Variants in AP1B1 observed in about 807,000 individuals in gnomAD.
AP1B1 encodes the protein AP-1 complex subunit beta-1.
Under a neutral mutation model 104.3 loss-of-function variants are expected in AP1B1, and 36 were observed. That is an observed-to-expected ratio of 0.35 (90% CI 0.26 to 0.46). The LOEUF (loss-of-function observed/expected upper bound fraction) is 0.46. Among genes scored for constraint, AP1B1 ranks in the 20% least tolerant of loss-of-function variants. The probability of loss-of-function intolerance (pLI) is 1.00; values close to 1 mark genes in which losing one functional copy is unlikely to be tolerated. For missense variants in AP1B1, 901 were observed against 1,247.9 expected, an observed-to-expected ratio of 0.72 and a Z score of 4.19; for synonymous variants, 504 against 517.5, an observed-to-expected ratio of 0.97 and a Z score of 0.35.
intron 1 of AP1B1, among the ~76,000 whole-genome samples, chr22:29,383,659 A>T (rs1424789133): frequency 6.9e-6 from 1 of 144,616 alleles, no homozygotes; most frequent in Admixed American, 7.1e-5. Flanking sequence ...CAGTGAGCCG[A>T]GATCACGCCA....
chr22:29,354,975 C>G, intron 6 of AP1B1, 104 bp from the exon 7 acceptor site: 1 of 1,025,692 alleles, frequency 9.7e-7, no homozygotes, highest in Non-Finnish European at 1.4e-6. Flanking sequence ...ATAGTTCACG[C>G]CTGTAATCCC....
Position 29,330,498 on chromosome 22 carries a change from G to C in AP1B1, c.2646C>G (p.Ile882Met). The change falls in exon 21 of 23, where the codon ATC becomes ATG. Residue 882 changes from isoleucine (I) to methionine (M), a missense_variant. Physicochemically the swap from Ile to Met is conservative, Grantham distance 10. Transcript: ENST00000357586. ...AASSKLQSSN[I>M]FTVAKRNVEG... ...CCACGTTCCTCTTGGCGACAGTGAAGATGTTGCTGCTCTGCAGCTTGCTGC... is the reference window on the plus strand; with the variant it reads ...CCACGTTCCTCTTGGCGACAGTGAACATGTTGCTGCTCTGCAGCTTGCTGC... 6.2e-7 allele frequency: 1 copy of C among 1,612,852 alleles called. No individual in the cohort carries two copies. Among genetic ancestry groups the C allele is most frequent in the Non-Finnish European group, 8.5e-7 (1 of 1,178,992 alleles).
In AP1B1 at chr22:29,359,974, T is replaced by C. The variant is rs375299154; in HGVS notation, c.144-15A>G. 17 of 1,610,454 alleles carry C rather than the reference T, an allele frequency of 1.1e-5. No individual in the cohort carries two copies. Among genetic ancestry groups the C allele is most frequent in the African/African-American group, 1.3e-5 (1 of 74,826 alleles). ...GGAAGAGGGCACTGGAAGGTCAAAATGGTGTCAGCATGGGAAAGGCTGAAC... is the reference window on the plus strand; with the variant it reads ...GGAAGAGGGCACTGGAAGGTCAAAACGGTGTCAGCATGGGAAAGGCTGAAC... On this transcript the variant is annotated splice_polypyrimidine_tract_variant and intron_variant, in intron 3 of 22. Transcript: ENST00000357586.
rs753581617 is a variant in AP1B1, at chr22:29,358,960, G to A, written c.291C>T (p.Asp97=). The A allele has an allele frequency of 1.9e-6, 3 of 1,609,088 alleles. No homozygotes were observed. In the East Asian group the frequency reaches 6.7e-5, roughly 36 times the overall value. ...CCAGGGCTCGGATGAGGGGGTTGGGGTCCTCACAGTCCTGGGGGGAACCAG... is the reference window on the plus strand; with the variant it reads ...CCAGGGCTCGGATGAGGGGGTTGGGATCCTCACAGTCCTGGGGGGAACCAG... ...AVNTFVKDCE[D]PNPLIRALAV... The change falls in exon 5 of 23, where the codon GAC becomes GAT. Residue 97 remains aspartate (D), a synonymous_variant. Transcript: ENST00000357586.
chr22:29,364,883 A>G (rs1340257802), intron 2 of AP1B1, among the ~76,000 whole-genome samples: 4 of 151,474 alleles, frequency 2.6e-5, no homozygotes, highest in Non-Finnish European at 5.9e-5. Flanking sequence ...TAATTTTTGT[A>G]TTTTTAGTAG....
At chr22:29,387,844 G>A (rs2062554435) in intron 1 of AP1B1, among the ~76,000 whole-genome samples, 1 of 152,210 alleles carries the variant, frequency 6.6e-6, no homozygotes, top group African/African-American at 2.4e-5. Context: ...AAAGTGCTTA[G>A]CACAGTGCCC....
At chr22:29,357,849 G>A (rs1482341311) in intron 5 of AP1B1, among the ~76,000 whole-genome samples, 2 of 151,254 alleles carry the variant, frequency 1.3e-5, no homozygotes, top group East Asian at 3.9e-4. Flanking sequence ...CACCACACCC[G>A]GCTAATTTTT....
rs2061716857 is a variant in AP1B1 at position 29,341,633 on chromosome 22, A to G, written c.1664T>C (p.Ile555Thr). ...KPLISEETDLIEPTLLDELIC... is the reference protein window; with the variant it reads ...KPLISEETDLTEPTLLDELIC... ...AAGCTCGTCTAACAGTGTGGGCTCG[A>G]TGAGGTCCGTCTCTTCAGAGATGAG... The change falls in exon 13 of 23, where the codon ATC becomes ACC. Residue 555 changes from isoleucine to threonine, a missense_variant. Ile to Thr is a moderately conservative substitution (Grantham distance 89). Around this residue, in one of 3 missense-constraint regions of AP1B1, gnomAD observed 471 missense variants for 696.7 expected, o/e 0.68. Coordinates refer to ENST00000357586, the MANE Select transcript of AP1B1 (RefSeq NM_001127.4). 1 of 1,614,062 alleles carries G rather than the reference A, an allele frequency of 6.2e-7. No homozygotes were observed.
chr22:29,350,532 T>G (rs2061858184), intron 9 of AP1B1, among the ~76,000 whole-genome samples: 1 of 152,188 alleles, frequency 6.6e-6, no homozygotes, highest in African/African-American at 2.4e-5. Context: ...CTCTGACTGC[T>G]TCTGCCTTTA....
chr22:29,359,638 C>T (rs2062012594), intron 4 of AP1B1, 186 bp downstream of exon 4: 1 of 680,134 alleles, frequency 1.5e-6, no homozygotes, highest in Admixed American at 2.9e-5. Flanking sequence ...ACGCAGGGTC[C>T]TTAGCATCTG....
chr22:29,337,165 G>C (rs1389573569), intron 16 of AP1B1, among the ~76,000 whole-genome samples: 4 of 152,282 alleles, frequency 2.6e-5, no homozygotes, highest in Non-Finnish European at 2.9e-5. Context: ...CATCATATAG[G>C]GGTCTGGAGC....
chr22:29,342,910 T>C (rs1457591909), intron 11 of AP1B1, among the ~76,000 whole-genome samples: 3 of 152,148 alleles, frequency 2.0e-5, no homozygotes, highest in Non-Finnish European at 4.4e-5. Flanking sequence ...GCTGCCCTCA[T>C]CCTGGCCAAC....
chr22:29,368,012 T>C (rs149688672), intron 1 of AP1B1, among the ~76,000 whole-genome samples: 12 of 152,202 alleles, frequency 7.9e-5, no homozygotes, highest in Admixed American at 4.6e-4. Flanking sequence ...TTGTAGACAA[T>C]AGGGGCTGGG....
chr22:29,349,445 C>T (rs979317790), intron 10 of AP1B1, 62 bp from the exon 11 acceptor site: 3 of 1,581,390 alleles, frequency 1.9e-6, no homozygotes, highest in Admixed American at 3.4e-5. Context: ...CCCAGGGAAG[C>T]CAGACAGGGG....
Position 29,358,978 on chromosome 22 carries a change from G to A in AP1B1, c.280-7C>T. ...GGTTGGGGTCCTCACAGTCCTGGGG[G>A]GAACCAGCCATCGGCCAGGGCAGGG... is the stretch of plus-strand genomic sequence containing the variant. On this transcript the variant is annotated splice_region_variant and splice_polypyrimidine_tract_variant and intron_variant, in intron 4 of 22. Transcript: ENST00000357586. 1.9e-6 allele frequency: 3 copies of A among 1,600,952 alleles called. No individual in the cohort carries two copies. Among genetic ancestry groups the A allele is most frequent in the African/African-American group, 1.3e-5 (1 of 74,908 alleles).
Position 29,340,524 on chromosome 22 carries a change from C to G in AP1B1, c.1998+132G>C, listed in dbSNP as rs375624837. 5.3e-5 allele frequency: 54 copies of G among 1,013,902 alleles called. No homozygotes were observed. In the East Asian group the frequency reaches 5.8e-4, roughly 11 times the overall value. The allele number at this position is 1,013,902 out of a possible 1,614,324, so 62.8% of individuals were successfully genotyped here. A position where few individuals can be genotyped will look rare whatever the true frequency, so the allele number is the denominator to read the frequency against. Reference sequence around the variant, plus strand: ...TAAGTAGGGAGCTACACAATCACCTCCAAGGGTAAATGGTAAGGACTCTAT... The same window carrying G: ...TAAGTAGGGAGCTACACAATCACCTGCAAGGGTAAATGGTAAGGACTCTAT... On this transcript the variant is annotated intron_variant, in intron 14 of 22. Coordinates refer to ENST00000357586, the MANE Select transcript of AP1B1 (RefSeq NM_001127.4).
intron 17 of AP1B1, chr22:29,333,012 A>G (rs1414565585): frequency 1.3e-5 from 2 of 152,436 alleles, no homozygotes; most frequent in Admixed American, 6.5e-5. Flanking sequence ...CATTCAGCAC[A>G]CAGTAAGTTT....
At chr22:29,377,886 A>C (rs1369250346) in intron 1 of AP1B1, among the ~76,000 whole-genome samples, 1 of 152,082 alleles carries the variant, frequency 6.6e-6, no homozygotes, top group East Asian at 1.9e-4. Flanking sequence ...ACAGATGAGG[A>C]AACTGAAGTA....
intron 1 of AP1B1, among the ~76,000 whole-genome samples, chr22:29,368,015 G>A (rs7286220): frequency 0.019 from 2,935 of 152,186 alleles, 31 homozygotes; most frequent in South Asian, 0.045. Flanking sequence ...TAGACAATAG[G>A]GGCTGGGCAC....
Sources: allele counts gnomAD v4.1 joint callset (sites outside exome capture counted in the v4.1 genomes callset), GRCh38; gene constraint gnomAD v4.1.1; regional missense constraint gnomAD v4.1.1; transcripts MANE v1.5; gene names NCBI Gene and HGNC (gene_info 2026-07-23, HGNC 2026-07-21).